CAMK1D: variants seen among roughly 807,000 people sequenced by gnomAD.
CAMK1D encodes calcium/calmodulin-dependent protein kinase type 1D.
In CAMK1D, 9 loss-of-function variants were observed where a neutral mutation model predicts 47.7. The ratio of observed to expected loss-of-function variants is 0.19; its 90% CI spans 0.11 to 0.33. The LOEUF is 0.33. CAMK1D is among the 10% of genes least tolerant of loss of function. The probability of loss-of-function intolerance (pLI) is 1.00; values close to 1 mark genes in which losing one functional copy is unlikely to be tolerated. For missense variants in CAMK1D, 291 were observed against 488.7 expected (o/e 0.60, Z 3.81); for synonymous variants, 184 against 184.9 (o/e 0.99, Z 0.04).
intron 5 of CAMK1D, 68 bp downstream of exon 5, chr10:12,769,867 G>A (rs187224884): frequency 1.2e-5 from 19 of 1,555,362 alleles, no homozygotes; most frequent in Admixed American, 5.1e-5. Flanking sequence ...GTGTCACCAC[G>A]TGTCAACTCA....
intron 1 of CAMK1D, among the ~76,000 whole-genome samples, chr10:12,422,000 G>A (rs552617032): frequency 1.3e-5 from 2 of 152,116 alleles, no homozygotes; most frequent in African/African-American, 2.4e-5. Context: ...GTAGAGATGG[G>A]GTTTCACCAT....
At chr10:12,640,421 A>T (rs1205431902) in intron 2 of CAMK1D, among the ~76,000 whole-genome samples, 1 of 152,198 alleles carries the variant, frequency 6.6e-6, no homozygotes, top group Non-Finnish European at 1.5e-5. Flanking sequence ...CGTCACAGGT[A>T]GGCCCTTGAT....
intron 1 of CAMK1D, among the ~76,000 whole-genome samples, chr10:12,389,117 G>T (rs938626538): frequency 6.6e-6 from 1 of 152,222 alleles, no homozygotes; most frequent in African/African-American, 2.4e-5. Flanking sequence ...TGCTTAGAGA[G>T]AGGCTAATTA....
intron 1 of CAMK1D, among the ~76,000 whole-genome samples, chr10:12,395,633 G>C (rs906798486): frequency 3.9e-5 from 6 of 152,018 alleles, no homozygotes. Context: ...TTGGTTTTTC[G>C]GCCAGGCGAA....
rs530547908 is a variant in CAMK1D at position 12,746,281 on chromosome 10, G to A, written c.300-14667G>A. On this transcript the variant is annotated intron_variant, in intron 3 of 10. Coordinates refer to ENST00000619168, the MANE Select transcript of CAMK1D (RefSeq NM_153498.4). ...CGGGAGGCTGAGGCAGGAGAATGGC[G>A]TGAACCCGGGAGGCGGAGCTTGCAG... 4.0e-5 allele frequency among the ~76,000 whole-genome samples: 6 copies of A among 150,372 alleles called. 1 individual carries two copies. The East Asian group carries it at 7.8e-4, about 20-fold the overall frequency.
intron 1 of CAMK1D, among the ~76,000 whole-genome samples, chr10:12,357,211 G>A (rs911930962): frequency 1.1e-4 from 17 of 151,928 alleles, no homozygotes; most frequent in Admixed American, 2.0e-4. Flanking sequence ...TTGCTCTGTC[G>A]CCCAGGCTGG....
intron 1 of CAMK1D, 36 bp downstream of exon 1, chr10:12,349,946 C>T: frequency 7.4e-7 from 1 of 1,346,744 alleles, no homozygotes; most frequent in Non-Finnish European, 1.0e-6. Context: ...GTGGAGGTGG[C>T]CGCGGCAGGG....
In CAMK1D at chr10:12,694,129, A is replaced by G. The variant is rs1477574993; in HGVS notation, c.299+27319A>G. Among the ~76,000 whole-genome samples, 78 of 24,510 alleles carry G rather than the reference A, an allele frequency of 3.2e-3. 13 individuals are homozygous for G. The highest frequency in any genetic ancestry group is 5.3e-3 in the Non-Finnish European group (74 of 13,938). The allele number at this position is 24,510 out of a possible 152,430, so 16.1% of individuals were successfully genotyped here. On this transcript the variant is annotated intron_variant, in intron 3 of 10. Coordinates refer to ENST00000619168, the MANE Select transcript of CAMK1D (RefSeq NM_153498.4). ...ATATAATATATATTATGCATAATATATATTATATATAATATAATATATAAT... is the reference window on the plus strand; with the variant it reads ...ATATAATATATATTATGCATAATATGTATTATATATAATATAATATATAAT...
chr10:12,643,114 G>A (rs1300448087), intron 2 of CAMK1D, among the ~76,000 whole-genome samples: 3 of 152,088 alleles, frequency 2.0e-5, no homozygotes, highest in African/African-American at 7.2e-5. Context: ...TGATTCTCCT[G>A]CCTTAGCAGC....
intron 1 of CAMK1D, among the ~76,000 whole-genome samples, chr10:12,388,977 C>T (rs61847398): frequency 0.16 from 24,009 of 152,110 alleles, 2,330 homozygotes; most frequent in East Asian, 0.32. Context: ...ATTGTCGTGT[C>T]GTCTGTGTGA....
chr10:12,653,521 A>C (rs1840037273), intron 2 of CAMK1D, among the ~76,000 whole-genome samples: 1 of 152,230 alleles, frequency 6.6e-6, no homozygotes, highest in African/African-American at 2.4e-5. Context: ...CTGAAGCCTG[A>C]GTGTGACCTG....
intron 3 of CAMK1D, among the ~76,000 whole-genome samples, chr10:12,749,593 C>G (rs1835853649): frequency 6.9e-6 from 1 of 144,522 alleles, no homozygotes. Context: ...AAGTCTCGCT[C>G]TGTCACCCAG....
chr10:12,716,311 C>T (rs1246460509), intron 3 of CAMK1D, among the ~76,000 whole-genome samples: 1 of 152,104 alleles, frequency 6.6e-6, no homozygotes, highest in Non-Finnish European at 1.5e-5. Flanking sequence ...CACTAGATGC[C>T]AGTAGCATCC....
At chr10:12,815,063 C>G (rs1348480043) in intron 7 of CAMK1D, among the ~76,000 whole-genome samples, 2 of 152,164 alleles carry the variant, frequency 1.3e-5, no homozygotes, top group Admixed American at 1.3e-4. Context: ...CGGGTATTAA[C>G]TGTTAACCCC....
chr10:12,689,159 G>A (rs1337516050), intron 3 of CAMK1D, among the ~76,000 whole-genome samples: 2 of 152,190 alleles, frequency 1.3e-5, no homozygotes, highest in African/African-American at 4.8e-5. Context: ...TCACTCTGTT[G>A]GGGTGACTCT....
At chr10:12,631,189 G>GA (rs1420953238) in intron 2 of CAMK1D, among the ~76,000 whole-genome samples, 1 of 151,940 alleles carries the variant, frequency 6.6e-6, no homozygotes, top group African/African-American at 2.4e-5. Flanking sequence ...CGCTGCTTAG[G>GA]AAAAAAAGGT....
At chr10:12,569,636 G>A (rs1033417138) in intron 2 of CAMK1D, among the ~76,000 whole-genome samples, 4 of 142,148 alleles carry the variant, frequency 2.8e-5, no homozygotes, top group African/African-American at 8.0e-5. Context: ...GGAGAATGGC[G>A]TGAACCCGGG....
At chr10:12,458,475 A>G (rs1833325022) in intron 1 of CAMK1D, among the ~76,000 whole-genome samples, 1 of 151,618 alleles carries the variant, frequency 6.6e-6, no homozygotes, top group South Asian at 2.1e-4. Flanking sequence ...GGAGTGCAGT[A>G]GCACGATCAT....
chr10:12,383,322 C>T (rs533264123), intron 1 of CAMK1D, among the ~76,000 whole-genome samples: 2 of 151,794 alleles, frequency 1.3e-5, no homozygotes, highest in Admixed American at 6.6e-5. Flanking sequence ...CTTTGGTGAG[C>T]AACAGAATAA....
Sources: gnomAD v4.1 joint callset for allele counts (sites outside exome capture counted in the v4.1 genomes callset) on GRCh38, gnomAD v4.1.1 for gene constraint, MANE v1.5 for transcripts, NCBI Gene and HGNC (gene_info 2026-07-23, HGNC 2026-07-21) for gene names.